AGMO: variants seen among roughly 807,000 people sequenced by gnomAD.
The protein encoded by AGMO is glyceryl-ether monooxygenase.
A neutral mutation model predicts 60.2 loss-of-function variants in AGMO; 75 were observed. That is an observed-to-expected ratio of 1.25 (90% CI 1.03 to 1.51). The LOEUF is 1.51. AGMO is among the 40% of genes most tolerant of loss of function. The pLI, the probability that AGMO is intolerant of heterozygous loss-of-function variation, is 0.00. For synonymous variants in AGMO, 261 were observed against 177.1 expected, an observed-to-expected ratio of 1.47 and a Z score of -3.76; for missense variants, 763 against 525.5, an observed-to-expected ratio of 1.45 and a Z score of -4.42.
the AGMO span, among the ~76,000 whole-genome samples, chr7:15,149,790 A>AT: frequency 3.3e-5 from 5 of 151,992 alleles, no homozygotes; most frequent in African/African-American, 4.8e-5. Context: ...TGCTTTGGCT[A>AT]TTTGGGCTCT....
chr7:15,440,839 T>G (rs771080029), intron 3 of AGMO, among the ~76,000 whole-genome samples: 1 of 152,226 alleles, frequency 6.6e-6, no homozygotes, highest in Non-Finnish European at 1.5e-5. Context: ...TTAAGGTTAA[T>G]GGAAAGTAAT....
intron 12 of AGMO, among the ~76,000 whole-genome samples, chr7:15,293,238 C>T (rs996785504): frequency 7.2e-5 from 11 of 152,086 alleles, no homozygotes; most frequent in African/African-American, 2.7e-4. Flanking sequence ...TATCCCTGTC[C>T]TTCATTAGTA....
chr7:15,170,667 T>C, the AGMO span, among the ~76,000 whole-genome samples: 2 of 152,332 alleles, frequency 1.3e-5, no homozygotes, highest in African/African-American at 4.8e-5. Flanking sequence ...CAGAGTACAG[T>C]TGTCATAATT....
At chr7:15,257,758 G>C (rs764757012) in intron 12 of AGMO, among the ~76,000 whole-genome samples, 2 of 152,152 alleles carry the variant, frequency 1.3e-5, no homozygotes, top group Non-Finnish European at 2.9e-5. Flanking sequence ...AGACAGGCAA[G>C]GAAGGATTTA....
chr7:15,201,674 A>C (rs1470062653), intron 12 of AGMO, among the ~76,000 whole-genome samples: 1 of 152,200 alleles, frequency 6.6e-6, no homozygotes, highest in Non-Finnish European at 1.5e-5. Flanking sequence ...ATTTGGAGAT[A>C]CAGCATGCTG....
At chr7:15,468,242 A>G (rs1328791822) in intron 3 of AGMO, among the ~76,000 whole-genome samples, 2 of 152,186 alleles carry the variant, frequency 1.3e-5, no homozygotes, top group African/African-American at 4.8e-5. Context: ...AAGTGGCAAC[A>G]CTAAGTGAGA....
chr7:15,209,571 A>G (rs1228996282), intron 12 of AGMO, among the ~76,000 whole-genome samples: 1 of 152,222 alleles, frequency 6.6e-6, no homozygotes. Flanking sequence ...ATACGCTAAT[A>G]GAAGGCCAGC....
At chr7:15,470,944 A>G (rs1782437193) in intron 3 of AGMO, among the ~76,000 whole-genome samples, 1 of 151,954 alleles carries the variant, frequency 6.6e-6, no homozygotes, top group South Asian at 2.1e-4. Flanking sequence ...CCTAAGTTGT[A>G]TAGTTTTTAA....
At chr7:15,547,267 C>G (rs75747711) in intron 2 of AGMO, among the ~76,000 whole-genome samples, 6 of 152,150 alleles carry the variant, frequency 3.9e-5, no homozygotes, top group Non-Finnish European at 8.8e-5. Context: ...CAGTTGATAA[C>G]CTCTGCCTTG....
chr7:15,448,033 C>G (rs1234239400), intron 3 of AGMO, among the ~76,000 whole-genome samples: 1 of 152,142 alleles, frequency 6.6e-6, no homozygotes, highest in Non-Finnish European at 1.5e-5. Flanking sequence ...GTCAAAACCA[C>G]CAAACCCAGT....
chr7:15,165,146 C>A, the AGMO span, among the ~76,000 whole-genome samples: 1 of 152,092 alleles, frequency 6.6e-6, no homozygotes, highest in South Asian at 2.1e-4. Context: ...AGACAAATAT[C>A]ACATGTTCTC....
At chr7:15,301,492 A>G (rs2128526279) in intron 12 of AGMO, among the ~76,000 whole-genome samples, 1 of 150,926 alleles carries the variant, frequency 6.6e-6, no homozygotes, top group Admixed American at 6.6e-5. Flanking sequence ...GAAGGCAAAT[A>G]CTGTTTGCTT....
chr7:15,311,148 T>A (rs1238071311), intron 12 of AGMO, among the ~76,000 whole-genome samples: 1 of 151,976 alleles, frequency 6.6e-6, no homozygotes, highest in African/African-American at 2.4e-5. Flanking sequence ...TGAACAACTC[T>A]GCTACTAAAA....
chr7:15,339,347 ATTTT>A (rs963755004), intron 12 of AGMO, among the ~76,000 whole-genome samples: 2 of 152,166 alleles, frequency 1.3e-5, no homozygotes, highest in Non-Finnish European at 2.9e-5. Context: ...GAATGCTGTC[ATTTT>A]TTTAATTTGA....
chr7:15,174,967 C>A, the AGMO span, among the ~76,000 whole-genome samples: 2 of 151,102 alleles, frequency 1.3e-5, no homozygotes, highest in Non-Finnish European at 3.0e-5. Context: ...AATCATGAAT[C>A]CTATCTAGAA....
chr7:15,378,324 T>G (rs1013681608), intron 10 of AGMO, among the ~76,000 whole-genome samples: 1 of 152,076 alleles, frequency 6.6e-6, no homozygotes, highest in African/African-American at 2.4e-5. Context: ...TAAATATATA[T>G]GGACAACACC....
At chr7:15,354,494 GTGTATA>G (rs1298917911) in intron 12 of AGMO, among the ~76,000 whole-genome samples, 4 of 11,598 alleles carry the variant, frequency 3.4e-4, no homozygotes, top group African/African-American at 6.8e-4. Flanking sequence ...ATATACACAC[GTGTATA>G]TATATATATA....
At chr7:15,389,538 T>C (rs954221020) in intron 8 of AGMO, among the ~76,000 whole-genome samples, 6 of 152,152 alleles carry the variant, frequency 3.9e-5, no homozygotes, top group Admixed American at 3.9e-4. Flanking sequence ...GATAACCACC[T>C]TTCTTCTTTT....
intron 3 of AGMO, among the ~76,000 whole-genome samples, chr7:15,467,838 G>A (rs904540978): frequency 1.3e-5 from 2 of 152,094 alleles, no homozygotes; most frequent in Admixed American, 6.6e-5. Flanking sequence ...CCCTTTAGAA[G>A]AGTGACTTCA....
Sources: gnomAD v4.1 joint callset for allele counts (sites outside exome capture counted in the v4.1 genomes callset) on GRCh38, gnomAD v4.1.1 for gene constraint, MANE v1.5 for transcripts, NCBI Gene and HGNC (gene_info 2026-07-23, HGNC 2026-07-21) for gene names.